RBMS3: variants seen among roughly 807,000 people sequenced by gnomAD.
RBMS3 encodes RNA binding motif single stranded interacting protein 3.
In RBMS3, 27 loss-of-function variants were observed where a neutral mutation model predicts 66.8. That is an observed-to-expected ratio of 0.40 (90% confidence interval 0.30 to 0.56). The LOEUF (loss-of-function observed/expected upper bound fraction) is 0.56, where lower values mean the gene tolerates loss of function less well. Among genes scored for constraint, RBMS3 ranks in the 20% least tolerant of loss-of-function variants. The pLI is 0.40. For missense variants in RBMS3, 513 were observed against 549.5 expected, an observed-to-expected ratio of 0.93 and a Z score of 0.66; for synonymous variants, 188 against 183.0, an observed-to-expected ratio of 1.03 and a Z score of -0.22.
At chr3:29,960,787 G>A (rs1696380574) in intron 12 of RBMS3, among the ~76,000 whole-genome samples, 1 of 152,134 alleles carries the variant, frequency 6.6e-6, no homozygotes, top group African/African-American at 2.4e-5. Flanking sequence ...CCGTACCTTG[G>A]CCCCTTTCTA....
intron 5 of RBMS3, among the ~76,000 whole-genome samples, chr3:29,762,167 G>T (rs911535276): frequency 2.0e-5 from 3 of 152,068 alleles, no homozygotes; most frequent in African/African-American, 7.2e-5. Context: ...TAGGAATATT[G>T]ATAAGATAGT....
At position 29,871,264 on chromosome 3, in the gene RBMS3, T is replaced by G. The variant is rs1012412327; in HGVS notation, c.744+2300T>G. On this transcript the variant is annotated intron_variant, in intron 7 of 14. Coordinates refer to ENST00000383767, the MANE Select transcript of RBMS3 (RefSeq NM_001003793.3). ...TTACAAGATAATATGCATTTTCTCC[T>G]GTTAATCACTTGAGGGCACTACCTA... Among the ~76,000 whole-genome samples, 9 of 152,306 alleles carry G rather than the reference T, an allele frequency of 5.9e-5. No individual in the cohort carries two copies. In the East Asian group the frequency reaches 1.5e-3, roughly 26 times the overall value.
chr3:29,670,872 G>A (rs187000379), intron 4 of RBMS3, among the ~76,000 whole-genome samples: 106 of 152,280 alleles, frequency 7.0e-4, no homozygotes, highest in South Asian at 2.1e-3. Context: ...AGACTTAAAC[G>A]CCCCTGTCTG....
chr3:29,389,077 A>G (rs2039154150), intron 1 of RBMS3, among the ~76,000 whole-genome samples: 1 of 152,206 alleles, frequency 6.6e-6, no homozygotes. Flanking sequence ...TAGGAAAAAT[A>G]GTGAAGACAT....
chr3:29,872,444 C>T (rs943787771), intron 7 of RBMS3, among the ~76,000 whole-genome samples: 1 of 152,002 alleles, frequency 6.6e-6, no homozygotes, highest in African/African-American at 2.4e-5. Context: ...AGAGAAAAAT[C>T]TACCTTCATC....
chr3:29,641,680 G>C (rs1269257215), intron 4 of RBMS3, among the ~76,000 whole-genome samples: 1 of 151,864 alleles, frequency 6.6e-6, no homozygotes, highest in Non-Finnish European at 1.5e-5. Flanking sequence ...CTTGTATACT[G>C]TATGAACATT....
chr3:29,954,596 A>G (rs1193138878), intron 12 of RBMS3, among the ~76,000 whole-genome samples: 1 of 151,930 alleles, frequency 6.6e-6, no homozygotes, highest in African/African-American at 2.4e-5. Context: ...TCTTTTACCA[A>G]TTGGTGAGTT....
chr3:29,583,113 A>G (rs2047388360), intron 3 of RBMS3, among the ~76,000 whole-genome samples: 1 of 152,122 alleles, frequency 6.6e-6, no homozygotes, highest in African/African-American at 2.4e-5. Flanking sequence ...ACTCTTTATA[A>G]GTACGCTTTT....
rs145029659 is a variant in RBMS3, at chr3:29,592,990, A to C, written c.399+5785A>C. On this transcript the variant is annotated intron_variant, in intron 4 of 14. Coordinates refer to ENST00000383767, the MANE Select transcript of RBMS3 (RefSeq NM_001003793.3). The stretch of plus-strand genomic sequence containing the variant: ...ACTTGGACACAGGAAGGGGAACATC[A>C]CACACTGGGGCCTGTCATGGGATTG... 7.5e-3 allele frequency among the ~76,000 whole-genome samples: 922 copies of C among 122,714 alleles called. 28 individuals carry two copies. The highest frequency in any genetic ancestry group is 0.072 in the Admixed American group (751 of 10,452). The allele number at this position is 122,714 out of a possible 152,430, so 80.5% of individuals were successfully genotyped here.
chr3:29,428,903 A>G (rs1384485897), intron 1 of RBMS3, among the ~76,000 whole-genome samples: 2 of 152,204 alleles, frequency 1.3e-5, no homozygotes, highest in Non-Finnish European at 2.9e-5. Context: ...ATTCTGATAG[A>G]GAAAAAGAGC....
At chr3:29,294,646 C>T (rs2033093578) in intron 1 of RBMS3, among the ~76,000 whole-genome samples, 1 of 151,576 alleles carries the variant, frequency 6.6e-6, no homozygotes, top group African/African-American at 2.4e-5. Context: ...AATTCCTCAG[C>T]AATTGCCAAG....
At chr3:29,765,340 A>G (rs1265172385) in intron 6 of RBMS3, among the ~76,000 whole-genome samples, 2 of 151,944 alleles carry the variant, frequency 1.3e-5, no homozygotes, top group Admixed American at 1.3e-4. Flanking sequence ...TTGATTCCAT[A>G]TTTAAGACAG....
intron 4 of RBMS3, among the ~76,000 whole-genome samples, chr3:29,633,756 G>C (rs1359703432): frequency 6.6e-6 from 1 of 151,810 alleles, no homozygotes; most frequent in Non-Finnish European, 1.5e-5. Context: ...CCATGTTGTT[G>C]TAATCAGATC....
At chr3:29,807,074 C>T (rs2057573830) in intron 6 of RBMS3, among the ~76,000 whole-genome samples, 1 of 151,680 alleles carries the variant, frequency 6.6e-6, no homozygotes, top group African/African-American at 2.4e-5. Context: ...TACAAATAGA[C>T]AATTAAGCAG....
intron 7 of RBMS3, among the ~76,000 whole-genome samples, chr3:29,872,256 A>G (rs1225456342): frequency 6.6e-6 from 1 of 152,162 alleles, no homozygotes; most frequent in Non-Finnish European, 1.5e-5. Flanking sequence ...GTGCTAATAA[A>G]AACAGTATAT....
intron 14 of RBMS3, among the ~76,000 whole-genome samples, chr3:29,996,369 A>C (rs1401739806): frequency 6.7e-6 from 1 of 148,978 alleles, no homozygotes. Flanking sequence ...CGAGACAGAA[A>C]GTCAACAAGG....
chr3:29,400,435 G>T lies in RBMS3; in HGVS notation c.76-34308G>T, dbSNP rs564431700. Among the ~76,000 whole-genome samples the T allele has an allele frequency of 2.1e-4, 32 of 152,108 alleles. No homozygotes were observed. The South Asian group carries it at 5.8e-3, about 28-fold the overall frequency. ...CCAGAGGCTGGAAGGAGGGAGAAAT[G>T]GGTATAATTTAATGAGTAAAGAGTT... is the stretch of plus-strand genomic sequence containing the variant. On this transcript the variant is annotated intron_variant, in intron 1 of 14. Transcript: ENST00000383767.
intron 3 of RBMS3, among the ~76,000 whole-genome samples, chr3:29,491,838 A>T (rs2043556317): frequency 6.6e-6 from 1 of 152,146 alleles, no homozygotes; most frequent in Admixed American, 6.6e-5. Context: ...CTAAAACTAT[A>T]AAAAATTAGC....
At chr3:29,617,465 G>C (rs1400984909) in intron 4 of RBMS3, among the ~76,000 whole-genome samples, 1 of 152,158 alleles carries the variant, frequency 6.6e-6, no homozygotes, top group South Asian at 2.1e-4. Context: ...GTGGAGGATT[G>C]TTACTAGGAA....
Sources: allele counts gnomAD v4.1 joint callset (sites outside exome capture counted in the v4.1 genomes callset), GRCh38; gene constraint gnomAD v4.1.1; transcripts MANE v1.5; gene names NCBI Gene and HGNC (gene_info 2026-07-23, HGNC 2026-07-21).